The following SLC14A2 variants were observed in gnomAD, a reference collection of about 807,000 sequenced individuals.
SLC14A2 encodes urea transporter 2.
A neutral mutation model predicts 104.6 loss-of-function variants in SLC14A2; 91 were observed. That is an observed-to-expected ratio of 0.87 (90% CI 0.73 to 1.04). The LOEUF (loss-of-function observed/expected upper bound fraction) is 1.04, where lower values mean the gene tolerates loss of function less well. Among genes scored for constraint, SLC14A2 ranks in the 50% least tolerant of loss-of-function variants. The pLI is 0.00. For missense variants in SLC14A2, 1,189 were observed against 1,156.0 expected, an observed-to-expected ratio of 1.03 and a Z score of -0.41; for synonymous variants, 476 against 466.4, an observed-to-expected ratio of 1.02 and a Z score of -0.27.
chr18:45,200,422 A>C, the SLC14A2 span, among the ~76,000 whole-genome samples: 2 of 152,210 alleles, frequency 1.3e-5, no homozygotes, highest in African/African-American at 4.8e-5. Flanking sequence ...TTGAAATGGC[A>C]AATAAATGTG....
the SLC14A2 span, among the ~76,000 whole-genome samples, chr18:45,188,617 T>G: frequency 6.6e-6 from 1 of 152,174 alleles, no homozygotes; most frequent in East Asian, 1.9e-4. Flanking sequence ...ACTCCCTGCC[T>G]GAATGTCTTT....
At chr18:45,347,689 C>T (rs1020141622) in intron 1 of SLC14A2, among the ~76,000 whole-genome samples, 9 of 152,176 alleles carry the variant, frequency 5.9e-5, no homozygotes, top group African/African-American at 1.9e-4. Flanking sequence ...TATTCTGATA[C>T]TTCCATCATC....
intron 1 of SLC14A2, among the ~76,000 whole-genome samples, chr18:45,400,680 G>T (rs1352377062): frequency 6.6e-6 from 1 of 152,098 alleles, no homozygotes; most frequent in Non-Finnish European, 1.5e-5. Context: ...TATTATGATA[G>T]TTGCCAAATG....
chr18:45,234,725 G>A lies in SLC14A2; in HGVS notation c.-125+21534G>A, dbSNP rs572519824. ...GGGGAACCCGTTTTAATTCTCTACT[G>A]CCTTGTTGGGAAACCGTATCTGCCT... On this transcript the variant is annotated intron_variant, in intron 1 of 20. Transcript: ENST00000586448. 3.3e-5 allele frequency among the ~76,000 whole-genome samples: 5 copies of A among 152,252 alleles called. No homozygotes were observed. The South Asian group carries it at 8.3e-4, about 25-fold the overall frequency.
chr18:45,480,239 A>G (rs901026103), intron 1 of SLC14A2, among the ~76,000 whole-genome samples: 5 of 152,004 alleles, frequency 3.3e-5, no homozygotes, highest in African/African-American at 1.2e-4. Flanking sequence ...ACCTGTCCAA[A>G]ATTTTTCAAT....
At chr18:45,217,607 G>A (rs2084022455) in intron 1 of SLC14A2, among the ~76,000 whole-genome samples, 1 of 152,052 alleles carries the variant, frequency 6.6e-6, no homozygotes. Flanking sequence ...TATAACTCAT[G>A]CACATTTAGC....
At chr18:45,211,841 G>C (rs566667440), upstream of SLC14A2, among the ~76,000 whole-genome samples, 1 of 152,288 alleles carries the variant, frequency 6.6e-6, no homozygotes, top group Non-Finnish European at 1.5e-5. Context: ...AACCATACCT[G>C]AGTGGGCTGA....
chr18:45,369,576 G>A (rs963008716), intron 1 of SLC14A2, among the ~76,000 whole-genome samples: 2 of 152,106 alleles, frequency 1.3e-5, no homozygotes, highest in African/African-American at 4.8e-5. Context: ...ATATGTATAT[G>A]TTTTATGCTA....
chr18:45,218,247 A>G (rs2084028430), intron 1 of SLC14A2, among the ~76,000 whole-genome samples: 1 of 152,214 alleles, frequency 6.6e-6, no homozygotes, highest in South Asian at 2.1e-4. Flanking sequence ...TACCTTATAT[A>G]AGTAGAATCA....
intron 2 of SLC14A2, among the ~76,000 whole-genome samples, chr18:45,539,319 G>T (rs929319341): frequency 4.6e-5 from 7 of 152,184 alleles, no homozygotes; most frequent in African/African-American, 1.7e-4. Context: ...CTGGGCTTAG[G>T]TTATGTCTAT....
chr18:45,343,142 C>CTTT (rs34073750), intron 1 of SLC14A2, among the ~76,000 whole-genome samples: 2 of 132,608 alleles, frequency 1.5e-5, no homozygotes, highest in Non-Finnish European at 1.6e-5. Flanking sequence ...GTTCTCTCTG[C>CTTT]TTTTTTTTTT....
chr18:45,231,532 G>A (rs945619669), intron 1 of SLC14A2, among the ~76,000 whole-genome samples: 3 of 152,160 alleles, frequency 2.0e-5, no homozygotes, highest in African/African-American at 7.2e-5. Flanking sequence ...TGATGATTAA[G>A]CTAGTGCTTT....
At chr18:45,592,286 C>A (rs1157537828) in intron 2 of SLC14A2, among the ~76,000 whole-genome samples, 1 of 152,110 alleles carries the variant, frequency 6.6e-6, no homozygotes, top group Non-Finnish European at 1.5e-5. Context: ...CTCCTCATCC[C>A]CAATCTATGA....
intron 2 of SLC14A2, among the ~76,000 whole-genome samples, chr18:45,515,767 G>T (rs1384750451): frequency 6.6e-6 from 1 of 152,234 alleles, no homozygotes; most frequent in East Asian, 1.9e-4. Context: ...GAACGAATTG[G>T]TGCAATCATT....
intron 16 of SLC14A2, 65 bp from the exon 17 acceptor site, chr18:45,672,835 T>C: frequency 6.7e-7 from 1 of 1,496,034 alleles, no homozygotes; most frequent in Non-Finnish European, 9.1e-7. Context: ...CCAAGTCTCT[T>C]GCAGCCAAGG....
At chr18:45,275,979 C>T (rs953883846) in intron 1 of SLC14A2, among the ~76,000 whole-genome samples, 9 of 152,130 alleles carry the variant, frequency 5.9e-5, no homozygotes, top group Non-Finnish European at 1.0e-4. Flanking sequence ...AACCTGTTTG[C>T]GAAGATGGCA....
At chr18:45,668,515 T>C in intron 15 of SLC14A2, 38 bp downstream of exon 15, 2 of 1,611,566 alleles carry the variant, frequency 1.2e-6, no homozygotes, top group South Asian at 1.1e-5. Flanking sequence ...TTCATATCAA[T>C]GGCCACCAAC....
chr18:45,289,666 C>T (rs752132596), intron 1 of SLC14A2, among the ~76,000 whole-genome samples: 1 of 152,210 alleles, frequency 6.6e-6, no homozygotes, highest in Non-Finnish European at 1.5e-5. Flanking sequence ...GTCTCCTTGT[C>T]TATCCCAAGC....
chr18:45,334,337 C>T (rs1478289660), intron 1 of SLC14A2, among the ~76,000 whole-genome samples: 31 of 152,176 alleles, frequency 2.0e-4, no homozygotes, highest in Admixed American at 1.9e-3. Context: ...TGAGGAAGCA[C>T]TGGAGACATT....
Sources: allele counts gnomAD v4.1 joint callset (sites outside exome capture counted in the v4.1 genomes callset), GRCh38; gene constraint gnomAD v4.1.1; transcripts MANE v1.5; gene names NCBI Gene and HGNC (gene_info 2026-07-23, HGNC 2026-07-21).